Variants in FSD2 observed in about 807,000 individuals in gnomAD.
FSD2 encodes the protein fibronectin type III and SPRY domain-containing protein 2.
In FSD2, 71 loss-of-function variants were observed where a neutral mutation model predicts 80.4. That is an observed-to-expected ratio of 0.88 (90% CI 0.73 to 1.08). The LOEUF (loss-of-function observed/expected upper bound fraction) is 1.08. FSD2 is among the 50% of genes least tolerant of loss of function. The pLI is 0.00. For synonymous variants in FSD2, 361 were observed against 329.5 expected (o/e 1.10, Z -1.03); for missense variants, 923 against 913.8 (o/e 1.01, Z -0.13).
At chr15:82,767,736 A>G (rs1596232404) in intron 9 of FSD2, among the ~76,000 whole-genome samples, 1 of 152,178 alleles carries the variant, frequency 6.6e-6, no homozygotes, top group South Asian at 2.1e-4. Flanking sequence ...AGAGTGGATT[A>G]CCAAAGTCAG....
intron 3 of FSD2, 54 bp from the exon 4 acceptor site, chr15:82,783,079 G>T: frequency 7.6e-7 from 1 of 1,307,594 alleles, no homozygotes; most frequent in Non-Finnish European, 1.1e-6. Flanking sequence ...GTGTTGATTA[G>T]AGTCTTTTGT....
chr15:82,783,160 G>T, intron 3 of FSD2, 135 bp from the exon 4 acceptor site: 1 of 661,474 alleles, frequency 1.5e-6, no homozygotes. Flanking sequence ...GTACAGTAGT[G>T]TGATCTTGGC....
chr15:82,796,047 G>C (rs991876915), intron 1 of FSD2, among the ~76,000 whole-genome samples: 21 of 144,928 alleles, frequency 1.4e-4, no homozygotes, highest in Admixed American at 1.1e-3. Flanking sequence ...TTGTTGCCCA[G>C]GCTGGAGTGC....
chr15:82,793,370 C>A (rs1357166256), intron 1 of FSD2, among the ~76,000 whole-genome samples: 1 of 151,502 alleles, frequency 6.6e-6, no homozygotes, highest in Non-Finnish European at 1.5e-5. Context: ...GAAAGGAATT[C>A]AAATGGAAGA....
At chr15:82,771,450 T>A (rs1482851997) in intron 7 of FSD2, among the ~76,000 whole-genome samples, 1 of 152,156 alleles carries the variant, frequency 6.6e-6, no homozygotes. Context: ...AAGAATGGCT[T>A]ATTGATTATT....
intron 3 of FSD2, among the ~76,000 whole-genome samples, chr15:82,783,257 C>A (rs2049915170): frequency 6.6e-6 from 1 of 152,038 alleles, no homozygotes; most frequent in African/African-American, 2.4e-5. Context: ...CATCACCATG[C>A]CCGGCTAATT....
chr15:82,773,347 AC>A (rs1393835745), intron 6 of FSD2, among the ~76,000 whole-genome samples: 1 of 152,180 alleles, frequency 6.6e-6, no homozygotes. Context: ...GAAGACAATA[AC>A]TTATATCCCC....
rs1220507866 is a variant in FSD2 at position 82,755,539 on chromosome 15, C to T, written c.*3809G>A. 6.7e-6 allele frequency: 1 copy of T among 150,146 alleles called. No individual in the cohort carries two copies. The highest frequency in any genetic ancestry group is 1.5e-5 in the Non-Finnish European group (1 of 67,712). 9.3% of individuals were successfully genotyped at this position (150,146 alleles called of 1,614,324 possible). On this transcript the variant is annotated 3_prime_UTR_variant, in exon 13 of 13. Coordinates refer to ENST00000334574, the MANE Select transcript of FSD2 (RefSeq NM_001007122.4). ...GTCACAGTCTGGGAAAATGAAAAAGCAATCAATTAGTGAGTTGGGCTTAAT... is the reference window on the plus strand; with the variant it reads ...GTCACAGTCTGGGAAAATGAAAAAGTAATCAATTAGTGAGTTGGGCTTAAT...
chr15:82,805,702 T>G (rs1357715701), intron 1 of FSD2, among the ~76,000 whole-genome samples: 1 of 152,214 alleles, frequency 6.6e-6, no homozygotes, highest in Non-Finnish European at 1.5e-5. Context: ...ACAGATATCC[T>G]AAAGACACAT....
intron 1 of FSD2, among the ~76,000 whole-genome samples, chr15:82,790,175 CA>C (rs1434705187): frequency 8.2e-6 from 1 of 122,692 alleles, no homozygotes; most frequent in Non-Finnish European, 1.8e-5. Flanking sequence ...GACTCCGTCT[CA>C]AACAACAACA....
chr15:82,805,786 T>C (rs1372603810), intron 1 of FSD2, among the ~76,000 whole-genome samples, 180 bp downstream of exon 1: 15 of 152,240 alleles, frequency 9.9e-5, no homozygotes, highest in Admixed American at 8.5e-4. Context: ...GTTCAGTTAA[T>C]GCGAATTCTT....
intron 6 of FSD2, among the ~76,000 whole-genome samples, chr15:82,773,400 G>A (rs765169064): frequency 2.6e-5 from 4 of 152,152 alleles, no homozygotes; most frequent in African/African-American, 7.2e-5. Context: ...CCTGCTAGAC[G>A]CTGTCAAATA....
At position 82,804,520 on chromosome 15, in the gene FSD2, A is replaced by G. The variant is rs570633639; in HGVS notation, c.-79+1446T>C. ...CAAGCTTTTCACCTGACACACAACC[A>G]GTCAGGTGAAGAGCTTGGATTCAAA... On this transcript the variant is annotated intron_variant, in intron 1 of 12. Coordinates refer to ENST00000334574, the MANE Select transcript of FSD2 (RefSeq NM_001007122.4). Among the ~76,000 whole-genome samples, 17 of 152,260 alleles carry G rather than the reference A, an allele frequency of 1.1e-4. No homozygotes were observed. The South Asian group carries it at 3.5e-3, about 32-fold the overall frequency.
intron 1 of FSD2, among the ~76,000 whole-genome samples, chr15:82,797,351 G>A (rs957828665): frequency 3.3e-5 from 5 of 152,194 alleles, no homozygotes; most frequent in Non-Finnish European, 7.3e-5. Context: ...GCTAAGCAAG[G>A]TTGCTCTGTT....
chr15:82,772,115 A>C lies in FSD2; in HGVS notation c.1225T>G (p.Tyr409Asp), dbSNP rs1398976684. Reference sequence around the variant, plus strand: ...GGTGAGCTGTCCTGCACTGGCCGGTAGGACAGCTGATAGCTCTCCACAGTG... The same window carrying C: ...GGTGAGCTGTCCTGCACTGGCCGGTCGGACAGCTGATAGCTCTCCACAGTG... Reference protein sequence around the residue: ...DDTVESYQLSYRPVQDSSPGT... With the variant: ...DDTVESYQLSDRPVQDSSPGT... Residue 409 changes from tyrosine (Y) to aspartate (D), a missense_variant, in exon 7 of 13, where the codon TAC becomes GAC. By Grantham distance (160) the Tyr-to-Asp change is radical (BLOSUM62 -3). Transcript: ENST00000334574. 1 of 1,605,854 alleles carries C rather than the reference A, an allele frequency of 6.2e-7. No individual in the cohort carries two copies. The highest frequency in any genetic ancestry group is 1.7e-5 in the Admixed American group (1 of 58,426).
chr15:82,780,973 CTGCA>C (rs961327301), intron 4 of FSD2, among the ~76,000 whole-genome samples: 5 of 152,128 alleles, frequency 3.3e-5, no homozygotes, highest in African/African-American at 1.2e-4. Flanking sequence ...GAGTTCAAGG[CTGCA>C]TTGAGCTATG....
chr15:82,788,341 CAAA>C (rs34050167), intron 1 of FSD2, among the ~76,000 whole-genome samples: 1 of 126,554 alleles, frequency 7.9e-6, no homozygotes, highest in Non-Finnish European at 1.6e-5. Context: ...ACCAAAAATA[CAAA>C]AAAAAAAAAA....
In FSD2 at chr15:82,757,893, T is replaced by C. The variant is rs28534460; in HGVS notation, c.*1455A>G. ...CAGACTTTGCAGGTGCTGGAAAACA[T>C]CAGAGGTTTTTTGTTTGTTTGTTTG... On this transcript the variant is annotated 3_prime_UTR_variant, in exon 13 of 13. Transcript: ENST00000334574. 49,462 of 152,138 alleles carry C rather than the reference T, an allele frequency of 0.33. 8,422 individuals are homozygous for C. The highest frequency in any genetic ancestry group is 0.44 in the African/African-American group (18,362 of 41,372). The allele number at this position is 152,138 out of a possible 1,614,324, so 9.4% of individuals were successfully genotyped here.
chr15:82,792,728 T>G (rs1178657795), intron 1 of FSD2, among the ~76,000 whole-genome samples: 2 of 152,178 alleles, frequency 1.3e-5, no homozygotes, highest in Admixed American at 6.6e-5. Flanking sequence ...TTGGTCATAA[T>G]GCTTAATATT....
Sources: allele counts gnomAD v4.1 joint callset (sites outside exome capture counted in the v4.1 genomes callset), GRCh38; gene constraint gnomAD v4.1.1; transcripts MANE v1.5; gene names NCBI Gene and HGNC (gene_info 2026-07-23, HGNC 2026-07-21).